CNTN4: variants seen among roughly 807,000 people sequenced by gnomAD.
The protein encoded by CNTN4 is contactin 4.
In CNTN4, 77 loss-of-function variants were observed where a neutral mutation model predicts 122.5. That is an observed-to-expected ratio of 0.63 (90% CI 0.52 to 0.76). CNTN4 has a LOEUF of 0.76. Ranked by LOEUF, CNTN4 falls within the 30% of genes least tolerant of loss-of-function variation. The pLI is 0.00. For synonymous variants in CNTN4, 512 were observed against 447.0 expected (o/e 1.15, Z -1.83); for missense variants, 1,256 against 1,259.1 (o/e 1.00, Z 0.04).
At chr3:2,804,965 A>G (rs982221971) in intron 6 of CNTN4, among the ~76,000 whole-genome samples, 1 of 152,134 alleles carries the variant, frequency 6.6e-6, no homozygotes, top group African/African-American at 2.4e-5. Flanking sequence ...ACCTGAGGTC[A>G]GGAGTTCAAG....
At chr3:2,958,966 GCC>G (rs2094827185) in intron 13 of CNTN4, among the ~76,000 whole-genome samples, 1 of 152,164 alleles carries the variant, frequency 6.6e-6, no homozygotes, top group African/African-American at 2.4e-5. Flanking sequence ...CAAAAACCGT[GCC>G]TCCAGGGAAC....
intron 3 of CNTN4, among the ~76,000 whole-genome samples, chr3:2,527,780 G>T (rs1273898202): frequency 6.6e-6 from 1 of 151,924 alleles, no homozygotes; most frequent in Non-Finnish European, 1.5e-5. Context: ...TTTCAGCCTT[G>T]CTCTTCAACA....
Position 2,903,024 on chromosome 3 carries a change from A to C in CNTN4, c.1207+19A>C, listed in dbSNP as rs755075194. Reference sequence around the variant, plus strand: ...GTTATAGGTGAGTCTTTATACTGGCAAGAAAAAAAAATTAAAACTCTTTAG... The same window carrying C: ...GTTATAGGTGAGTCTTTATACTGGCCAGAAAAAAAAATTAAAACTCTTTAG... On this transcript the variant is annotated intron_variant, in intron 12 of 24. Coordinates refer to ENST00000418658, the MANE Select transcript of CNTN4 (RefSeq NM_175607.3). The C allele has an allele frequency of 6.2e-7, 1 of 1,612,140 alleles. No individual in the cohort carries two copies. The highest frequency in any genetic ancestry group is 1.1e-5 in the South Asian group (1 of 90,988).
intron 2 of CNTN4, among the ~76,000 whole-genome samples, chr3:2,137,021 A>G (rs918605172): frequency 3.3e-5 from 5 of 152,252 alleles, no homozygotes; most frequent in African/African-American, 7.2e-5. Flanking sequence ...ATAACAAATT[A>G]GAATCTAGGA....
At chr3:2,253,181 G>T (rs1177308140) in intron 2 of CNTN4, among the ~76,000 whole-genome samples, 2 of 151,814 alleles carry the variant, frequency 1.3e-5, no homozygotes, top group Admixed American at 6.6e-5. Flanking sequence ...AGTCTACTTT[G>T]TGCCGTGTAG....
intron 12 of CNTN4, among the ~76,000 whole-genome samples, chr3:2,909,063 A>G (rs1337327336): frequency 6.6e-6 from 1 of 152,192 alleles, no homozygotes; most frequent in African/African-American, 2.4e-5. Flanking sequence ...GGCTAAACTA[A>G]AAGTTATTTC....
intron 4 of CNTN4, among the ~76,000 whole-genome samples, chr3:2,638,121 C>T (rs771497304): frequency 7.2e-5 from 11 of 152,206 alleles, no homozygotes; most frequent in Admixed American, 5.2e-4. Flanking sequence ...TTATTGTTCT[C>T]CTCTTGCTTG....
chr3:2,272,123 C>G (rs1005149245), intron 2 of CNTN4, among the ~76,000 whole-genome samples: 1 of 150,754 alleles, frequency 6.6e-6, no homozygotes, highest in Non-Finnish European at 1.5e-5. Flanking sequence ...CTAATGAGTA[C>G]TTTCTTGATT....
intron 4 of CNTN4, among the ~76,000 whole-genome samples, chr3:2,690,914 G>T (rs1009423223): frequency 6.6e-5 from 10 of 152,098 alleles, no homozygotes; most frequent in Admixed American, 2.6e-4. Flanking sequence ...AAAAACCCTT[G>T]CCCCACAAAA....
At chr3:2,465,095 A>G (rs1483273457) in intron 3 of CNTN4, among the ~76,000 whole-genome samples, 1 of 152,178 alleles carries the variant, frequency 6.6e-6, no homozygotes, top group Admixed American at 6.5e-5. Flanking sequence ...TGTATTGTAC[A>G]TTTGAAAAGT....
intron 3 of CNTN4, among the ~76,000 whole-genome samples, chr3:2,340,710 TAG>T (rs747326741): frequency 0.031 from 572 of 18,302 alleles, 22 homozygotes; most frequent in African/African-American, 0.053. Context: ...TATATATATA[TAG>T]AGAGAGAGAG....
intron 4 of CNTN4, among the ~76,000 whole-genome samples, chr3:2,683,718 C>A (rs1474022): frequency 0.39 from 58,910 of 151,878 alleles, 12,517 homozygotes; most frequent in African/African-American, 0.56. Context: ...GACATTTGAG[C>A]AAAGGTAAAC....
intron 4 of CNTN4, among the ~76,000 whole-genome samples, chr3:2,667,436 T>C (rs1185543242): frequency 1.3e-5 from 2 of 152,096 alleles, no homozygotes; most frequent in Non-Finnish European, 2.9e-5. Flanking sequence ...GTTAATGGGG[T>C]TGTTTGACTT....
intron 2 of CNTN4, among the ~76,000 whole-genome samples, chr3:2,105,634 C>T (rs966538610): frequency 6.6e-6 from 1 of 152,184 alleles, no homozygotes; most frequent in African/African-American, 2.4e-5. Context: ...CACCTCCTAC[C>T]AGGTCCCACC....
intron 14 of CNTN4, among the ~76,000 whole-genome samples, chr3:3,015,922 C>A (rs1401809603): frequency 6.6e-6 from 1 of 152,136 alleles, no homozygotes; most frequent in South Asian, 2.1e-4. Context: ...TCTTATTATG[C>A]CATTCTTACA....
intron 4 of CNTN4, among the ~76,000 whole-genome samples, chr3:2,661,938 C>T (rs1347437072): frequency 6.6e-6 from 1 of 151,780 alleles, no homozygotes; most frequent in African/African-American, 2.4e-5. Flanking sequence ...AAACACAGAA[C>T]CCAACCCCCT....
At chr3:2,130,126 A>T (rs1293831281) in intron 2 of CNTN4, among the ~76,000 whole-genome samples, 3 of 152,160 alleles carry the variant, frequency 2.0e-5, no homozygotes, top group Non-Finnish European at 4.4e-5. Flanking sequence ...TCTCATTTGA[A>T]TTATAATTCT....
intron 13 of CNTN4, among the ~76,000 whole-genome samples, chr3:2,926,961 C>G (rs1156425193): frequency 6.6e-6 from 1 of 152,128 alleles, no homozygotes; most frequent in African/African-American, 2.4e-5. Context: ...CAGTCATCAA[C>G]ATGAGATTCA....
At chr3:2,507,737 A>G (rs1488623245) in intron 3 of CNTN4, among the ~76,000 whole-genome samples, 3 of 147,282 alleles carry the variant, frequency 2.0e-5, no homozygotes, top group Non-Finnish European at 4.5e-5. Flanking sequence ...TTTGTCTCAA[A>G]AAAAAAAAAA....
Sources: allele counts gnomAD v4.1 joint callset (sites outside exome capture counted in the v4.1 genomes callset), GRCh38; gene constraint gnomAD v4.1.1; transcripts MANE v1.5; gene names NCBI Gene and HGNC (gene_info 2026-07-23, HGNC 2026-07-21).